Variants in TXN2 observed in about 807,000 individuals in gnomAD.
TXN2 encodes thioredoxin 2.
In TXN2, 12 loss-of-function variants were observed where a neutral mutation model predicts 14.6. That is an observed-to-expected ratio of 0.82 (90% CI 0.53 to 1.33). The LOEUF (loss-of-function observed/expected upper bound fraction) is 1.33. Among genes scored for constraint, TXN2 ranks in the 40% most tolerant of loss-of-function variants. The pLI is 0.00. For missense variants in TXN2, 173 were observed against 207.7 expected (o/e 0.83, Z 1.03); for synonymous variants, 89 against 81.0 (o/e 1.10, Z -0.53).
At chr22:36,481,052 C>T in intron 1 of TXN2, 1 of 485,402 alleles carries the variant, frequency 2.1e-6, no homozygotes, top group Admixed American at 3.8e-5. Context: ...AAACTGGCTT[C>T]ACAACCAAAA....
intron 3 of TXN2, among the ~76,000 whole-genome samples, chr22:36,474,150 C>T (rs1445870108): frequency 1.3e-5 from 2 of 152,196 alleles, no homozygotes; most frequent in South Asian, 2.1e-4. Context: ...CAGATAGATG[C>T]CTCCCTCACT....
chr22:36,467,818 T>G lies in TXN2; in HGVS notation c.487A>C (p.Lys163Gln), dbSNP rs1305739886. 5 of 1,613,708 alleles carry G rather than the reference T, an allele frequency of 3.1e-6. No homozygotes were observed. Among genetic ancestry groups the G allele is most frequent in the Non-Finnish European group, 4.2e-6 (5 of 1,179,982 alleles). ...DEDQLEAFLK[K>Q]LIG ...ATCCCTGCTTGTCAGCCAATCAGCTTCTTCAGGAAGGCCTCCAACTGATCC... is the reference window on the plus strand; with the variant it reads ...ATCCCTGCTTGTCAGCCAATCAGCTGCTTCAGGAAGGCCTCCAACTGATCC... Residue 163 changes from lysine to glutamine, a missense_variant, in exon 4 of 4, where the codon AAG (lysine) becomes CAG (glutamine). Lys to Gln is a moderately conservative substitution (Grantham distance 53). Transcript: ENST00000216185.
intron 3 of TXN2, among the ~76,000 whole-genome samples, chr22:36,471,960 A>AC (rs141598665): frequency 0.057 from 7,833 of 137,766 alleles, 327 homozygotes; most frequent in Non-Finnish European, 0.09. Context: ...AAAGAGTGAG[A>AC]CCCCCTCTAA....
intron 3 of TXN2, among the ~76,000 whole-genome samples, chr22:36,471,751 C>T (rs1193716837): frequency 2.2e-4 from 34 of 152,072 alleles, no homozygotes; most frequent in Admixed American, 1.9e-3. Context: ...GGTGAATCAT[C>T]TGAGGTCAGG....
At chr22:36,477,430 G>A (rs1020978887) in intron 2 of TXN2, among the ~76,000 whole-genome samples, 1 of 152,134 alleles carries the variant, frequency 6.6e-6, no homozygotes, top group Non-Finnish European at 1.5e-5. Context: ...GGATGGTCTC[G>A]ATCTCCTGAC....
Position 36,481,604 on chromosome 22 carries a change from C to A in TXN2, c.-41G>T. ...GCGGAGGGATGCACAGCCTAGCCCT[C>A]CCTGCCTGTCAAGGGCACGCCTGTC... is the stretch of plus-strand genomic sequence containing the variant. On this transcript the variant is annotated 5_prime_UTR_variant, in exon 1 of 4. Coordinates refer to ENST00000216185, the MANE Select transcript of TXN2 (RefSeq NM_012473.4). 1 of 998,880 alleles carries A rather than the reference C, an allele frequency of 1.0e-6. No homozygotes were observed. The highest frequency in any genetic ancestry group is 1.2e-6 in the Non-Finnish European group (1 of 829,496). 61.9% of individuals were successfully genotyped at this position (998,880 alleles called of 1,614,324 possible). A position where few individuals can be genotyped will look rare whatever the true frequency, so the allele number is the denominator to read the frequency against.
At chr22:36,480,228 G>C (rs1266850065) in intron 2 of TXN2, among the ~76,000 whole-genome samples, 1 of 152,230 alleles carries the variant, frequency 6.6e-6, no homozygotes, top group Non-Finnish European at 1.5e-5. Flanking sequence ...TTTCATGGCA[G>C]GATGTTAACA....
At chr22:36,478,417 C>T (rs1933432070) in intron 2 of TXN2, among the ~76,000 whole-genome samples, 1 of 152,186 alleles carries the variant, frequency 6.6e-6, no homozygotes, top group Non-Finnish European at 1.5e-5. Context: ...CTGGAATGCT[C>T]ACTACACCAG....
intron 2 of TXN2, among the ~76,000 whole-genome samples, chr22:36,478,725 G>A (rs978328087): frequency 1.3e-5 from 2 of 152,198 alleles, no homozygotes; most frequent in African/African-American, 2.4e-5. Flanking sequence ...CACTCTGGGA[G>A]GCCAAGGCGG....
chr22:36,469,069 A>ATAC (rs1568975204), intron 3 of TXN2, among the ~76,000 whole-genome samples: 47 of 141,196 alleles, frequency 3.3e-4, no homozygotes, highest in African/African-American at 1.3e-3. Context: ...TAAATAAATA[A>ATAC]ATACATAAAT....
At chr22:36,480,468 T>G (rs1933475503) in intron 2 of TXN2, 107 bp downstream of exon 2, 11 of 1,437,696 alleles carry the variant, frequency 7.7e-6, no homozygotes, top group Non-Finnish European at 1.0e-5. Flanking sequence ...GTCTGTATAT[T>G]GAGTCTACAT....
intron 3 of TXN2, among the ~76,000 whole-genome samples, chr22:36,470,962 C>A (rs887111923): frequency 6.6e-6 from 1 of 151,148 alleles, no homozygotes; most frequent in Non-Finnish European, 1.5e-5. Context: ...AACACACACA[C>A]GCATACACAC....
rs375137691 is a variant in TXN2, at chr22:36,481,236, G to GT, written c.-1+327dup. On this transcript the variant is annotated intron_variant, in intron 1 of 3. Transcript: ENST00000216185. ...GTAAGGGAAGGAATACGAGGCTCAA[G>GT]TAAGTTAAGTGACATGCCCAAAGTA... 348 of 159,346 alleles carry GT rather than the reference G, an allele frequency of 2.2e-3. 3 individuals are homozygous for GT. The highest frequency in any genetic ancestry group is 7.9e-3 in the African/African-American group (331 of 41,772). The allele number at this position is 159,346 out of a possible 1,614,324, so 9.9% of individuals were successfully genotyped here. A position where few individuals can be genotyped will look rare whatever the true frequency, so the allele number is the denominator to read the frequency against.
At chr22:36,475,254 TG>T (rs1933363451) in intron 3 of TXN2, among the ~76,000 whole-genome samples, 1 of 152,130 alleles carries the variant, frequency 6.6e-6, no homozygotes, top group South Asian at 2.1e-4. Flanking sequence ...GGCGCGTGCC[TG>T]TAATCTCAGC....
At chr22:36,471,383 T>C (rs1269348931) in intron 3 of TXN2, among the ~76,000 whole-genome samples, 7 of 152,094 alleles carry the variant, frequency 4.6e-5, no homozygotes, top group Non-Finnish European at 1.0e-4. Context: ...GCCACTGAGC[T>C]CCGTGTCCTG....
Position 36,467,646 on chromosome 22 carries a change from A to G in TXN2, c.*158T>C, listed in dbSNP as rs1202622580. On this transcript the variant is annotated 3_prime_UTR_variant, in exon 4 of 4. Coordinates refer to ENST00000216185, the MANE Select transcript of TXN2 (RefSeq NM_012473.4). ...CACCATCCTCTGATGGCCCCTGGGC[A>G]GTCCGCCAGCTCGGAAGCACTCAGG... is the stretch of plus-strand genomic sequence containing the variant. 3.1e-6 allele frequency: 2 copies of G among 649,436 alleles called. No homozygotes were observed. Among genetic ancestry groups the G allele is most frequent in the Admixed American group, 4.7e-5 (2 of 42,842 alleles). 40.2% of individuals were successfully genotyped at this position (649,436 alleles called of 1,614,324 possible). A position where few individuals can be genotyped will look rare whatever the true frequency, so the allele number is the denominator to read the frequency against.
rs746338230 is a variant in TXN2, at chr22:36,467,791, TC to T, written c.*12del. ...CCCACGCGGGCAAGGGAACCAGGAC[TC>T]ATCCCTGCTTGTCAGCCAATCAGCT... On this transcript the variant is annotated 3_prime_UTR_variant, in exon 4 of 4. Transcript: ENST00000216185. 3 of 1,608,614 alleles carry T rather than the reference TC, an allele frequency of 1.9e-6. No individual in the cohort carries two copies. The African/African-American group carries it at 4.0e-5, about 21-fold the overall frequency.
chr22:36,481,009 G>T, intron 1 of TXN2, 172 bp from the exon 2 acceptor site: 1 of 703,076 alleles, frequency 1.4e-6, no homozygotes, highest in Non-Finnish European at 2.1e-6. Flanking sequence ...GAATCAAAGG[G>T]AAGGAACAGC....
intron 2 of TXN2, among the ~76,000 whole-genome samples, chr22:36,477,999 T>C (rs995999014): frequency 6.6e-6 from 1 of 151,440 alleles, no homozygotes; most frequent in African/African-American, 2.4e-5. Flanking sequence ...TAGCCAGGAG[T>C]GGTGGTGTGC....
Sources: allele counts gnomAD v4.1 joint callset (sites outside exome capture counted in the v4.1 genomes callset), GRCh38; gene constraint gnomAD v4.1.1; transcripts MANE v1.5; gene names NCBI Gene and HGNC (gene_info 2026-07-23, HGNC 2026-07-21).